Variants in KLRG1 observed in about 807,000 individuals in gnomAD.
KLRG1 encodes killer cell lectin like receptor G1.
Under a neutral mutation model 21.8 loss-of-function variants are expected in KLRG1, and 16 were observed. That is an observed-to-expected ratio of 0.73 (90% CI 0.50 to 1.11). The LOEUF is 1.11. Ranked by LOEUF, KLRG1 falls within the 50% of genes most tolerant of loss-of-function variation. KLRG1 has a pLI of 0.00. For synonymous variants in KLRG1, 69 were observed against 75.9 expected (o/e 0.91, Z 0.47); for missense variants, 173 against 218.3 (o/e 0.79, Z 1.31).
At chr12:8,962,396 C>T (rs746113443) in intron 1 of KLRG1, among the ~76,000 whole-genome samples, 22 of 152,108 alleles carry the variant, frequency 1.4e-4, no homozygotes, top group African/African-American at 2.9e-4. Context: ...GACTTGAAAA[C>T]GTATTATCAG....
At chr12:9,092,741 T>C in the KLRG1 span, among the ~76,000 whole-genome samples, 1 of 152,214 alleles carries the variant, frequency 6.6e-6, no homozygotes, top group Non-Finnish European at 1.5e-5. Context: ...CTACCATATG[T>C]CCCAGAAATC....
chr12:9,212,962 C>T, the KLRG1 span, among the ~76,000 whole-genome samples: 1 of 152,158 alleles, frequency 6.6e-6, no homozygotes, highest in East Asian at 1.9e-4. Context: ...CTATTTTCAA[C>T]AAGTAGAAAT....
At chr12:9,035,216 G>C in the KLRG1 span, among the ~76,000 whole-genome samples, 1 of 152,104 alleles carries the variant, frequency 6.6e-6, no homozygotes, top group Non-Finnish European at 1.5e-5. Flanking sequence ...ATCGATGATA[G>C]ACTGGATAAA....
intron 1 of KLRG1, among the ~76,000 whole-genome samples, chr12:8,983,015 C>T (rs1444373386): frequency 6.6e-6 from 1 of 152,114 alleles, no homozygotes; most frequent in Non-Finnish European, 1.5e-5. Context: ...TTATTTGGTG[C>T]AGCAGTCCAT....
chr12:9,098,050 T>C, the KLRG1 span, among the ~76,000 whole-genome samples: 1 of 152,240 alleles, frequency 6.6e-6, no homozygotes, highest in Non-Finnish European at 1.5e-5. Flanking sequence ...CAACTCCTAT[T>C]ACTGGTTGCA....
At chr12:9,181,030 G>C in the KLRG1 span, 1 of 1,614,130 alleles carries the variant, frequency 6.2e-7, no homozygotes, top group Non-Finnish European at 8.5e-7. Context: ...AGCACACTTT[G>C]GTCCACAGCA....
the KLRG1 span, among the ~76,000 whole-genome samples, chr12:9,036,088 T>C: frequency 2.0e-5 from 3 of 152,180 alleles, no homozygotes; most frequent in Non-Finnish European, 4.4e-5. Context: ...CCCAACCCAG[T>C]GACATGCAAT....
Position 8,995,301 on chromosome 12 carries a change from A to G in KLRG1, c.357+13A>G. The G allele has an allele frequency of 6.3e-7, 1 of 1,595,174 alleles. No homozygotes were observed. Among genetic ancestry groups the G allele is most frequent in the Non-Finnish European group, 8.5e-7 (1 of 1,174,228 alleles). On this transcript the variant is annotated intron_variant, in intron 3 of 4. Transcript: ENST00000356986. ...CAATCAGGAAATGGTAAATGCAAAC[A>G]TTTAGAAAATGTAGGGTTTTTGTTT... is the stretch of plus-strand genomic sequence containing the variant.
chr12:9,168,794 T>A, the KLRG1 span: 1 of 1,103,290 alleles, frequency 9.1e-7, no homozygotes, highest in Non-Finnish European at 1.4e-6. Context: ...AGGGCTACAT[T>A]ACCTCATTTT....
the KLRG1 span, among the ~76,000 whole-genome samples, chr12:9,021,286 CTT>C: frequency 6.6e-6 from 1 of 152,198 alleles, no homozygotes; most frequent in African/African-American, 2.4e-5. Flanking sequence ...TTACTATAGA[CTT>C]TATAAATATT....
the KLRG1 span, among the ~76,000 whole-genome samples, chr12:9,122,333 C>T: frequency 6.6e-6 from 1 of 152,096 alleles, no homozygotes; most frequent in East Asian, 1.9e-4. Flanking sequence ...CCATAGGAGC[C>T]CCTTTGTTCA....
the KLRG1 span, among the ~76,000 whole-genome samples, chr12:9,129,987 T>C: frequency 6.6e-6 from 1 of 152,218 alleles, no homozygotes; most frequent in African/African-American, 2.4e-5. Flanking sequence ...CTTTCTCCTC[T>C]TCTCTGTCCC....
the KLRG1 span, among the ~76,000 whole-genome samples, chr12:9,145,284 T>A: frequency 6.6e-6 from 1 of 152,148 alleles, no homozygotes; most frequent in African/African-American, 2.4e-5. Flanking sequence ...TGTTTTATTG[T>A]TTTTTTGTGT....
At chr12:9,196,589 T>C in the KLRG1 span, 82 of 1,610,208 alleles carry the variant, frequency 5.1e-5, 1 homozygote, top group East Asian at 1.8e-3. Context: ...TCTTCTCTGA[T>C]CCTGGCTTCC....
At chr12:9,051,608 T>G in the KLRG1 span, among the ~76,000 whole-genome samples, 15 of 152,326 alleles carry the variant, frequency 9.8e-5, no homozygotes, top group Non-Finnish European at 2.1e-4. Context: ...ATAGCTCATC[T>G]TTGTCTTGTT....
chr12:8,975,664 A>G (rs1410224842), intron 1 of KLRG1, among the ~76,000 whole-genome samples: 1 of 152,120 alleles, frequency 6.6e-6, no homozygotes, highest in African/African-American at 2.4e-5. Context: ...CCCAGGCTCA[A>G]GTAATTCTCC....
the KLRG1 span, among the ~76,000 whole-genome samples, chr12:9,060,478 G>T: frequency 6.6e-6 from 1 of 152,010 alleles, no homozygotes; most frequent in South Asian, 2.1e-4. Flanking sequence ...AAACATAGAT[G>T]CCTGTTAGCC....
the KLRG1 span, among the ~76,000 whole-genome samples, chr12:9,075,050 C>T: frequency 6.6e-6 from 1 of 152,292 alleles, no homozygotes; most frequent in South Asian, 2.1e-4. Flanking sequence ...AGAAATGGCA[C>T]AGCAGTTGTC....
Position 8,978,769 on chromosome 12 carries a change from C to T in KLRG1, c.-155-13437C>T, listed in dbSNP as rs190687267. Among the ~76,000 whole-genome samples, 183 of 142,626 alleles carry T rather than the reference C, an allele frequency of 1.3e-3. 4 individuals are homozygous for T. The highest frequency in any genetic ancestry group is 8.9e-4 in the Non-Finnish European group (58 of 64,848). 93.6% of individuals were successfully genotyped at this position (142,626 alleles called of 152,430 possible). A position where few individuals can be genotyped will look rare whatever the true frequency, so the allele number is the denominator to read the frequency against. ...TCACTCTGTCACCCAGGCTGGAGTG[C>T]AGTGGCACATTCCTGCCTCACTGCA... On this transcript the variant is annotated intron_variant, in intron 1 of 4. Transcript: ENST00000539240.
Sources: gnomAD v4.1 joint callset for allele counts (sites outside exome capture counted in the v4.1 genomes callset) on GRCh38, gnomAD v4.1.1 for gene constraint, MANE v1.5 for transcripts, NCBI Gene and HGNC (gene_info 2026-07-23, HGNC 2026-07-21) for gene names.